INSL6: variants seen among roughly 807,000 people sequenced by gnomAD.
INSL6 encodes insulin like 6, also known as insulin-like peptide INSL6.
Under a neutral mutation model 9.4 loss-of-function variants are expected in INSL6, and 16 were observed. The ratio of observed to expected loss-of-function variants is 1.70; its 90% CI spans 1.15 to 2.59. The LOEUF (loss-of-function observed/expected upper bound fraction) is 2.59, where lower values mean the gene tolerates loss of function less well. INSL6 is among the 30% of genes most tolerant of loss of function. The pLI is 0.00. For missense variants in INSL6, 391 were observed against 257.3 expected, an observed-to-expected ratio of 1.52 and a Z score of -3.56; for synonymous variants, 154 against 96.9, an observed-to-expected ratio of 1.59 and a Z score of -3.46.
At chr9:5,076,842 T>C in the INSL6 span, among the ~76,000 whole-genome samples, 9 of 152,312 alleles carry the variant, frequency 5.9e-5, no homozygotes, top group African/African-American at 1.7e-4. Context: ...GAACCTGTTA[T>C]ATGGAGGTAT....
chr9:5,007,649 T>C, the INSL6 span, among the ~76,000 whole-genome samples: 1 of 152,040 alleles, frequency 6.6e-6, no homozygotes, highest in Admixed American at 6.6e-5. Context: ...CGTTTTTTAC[T>C]CATACTTTAA....
At chr9:5,031,470 G>A in the INSL6 span, among the ~76,000 whole-genome samples, 2 of 152,166 alleles carry the variant, frequency 1.3e-5, no homozygotes, top group Non-Finnish European at 2.9e-5. Flanking sequence ...TAACGTGGAA[G>A]GGAGAGATTA....
chr9:5,132,985 A>G (rs1824320364), intron 3 of INSL6: 2 of 152,182 alleles, frequency 1.3e-5, no homozygotes, highest in African/African-American at 2.4e-5. Flanking sequence ...AAGATCCCAG[A>G]GGAAGGGTAT....
At chr9:5,114,314 T>C in the INSL6 span, 2 of 542,534 alleles carry the variant, frequency 3.7e-6, no homozygotes, top group South Asian at 1.6e-5. Flanking sequence ...CCCAGGCCAG[T>C]GGGAAGTCTG....
At chr9:5,009,757 T>A in the INSL6 span, among the ~76,000 whole-genome samples, 3 of 152,194 alleles carry the variant, frequency 2.0e-5, no homozygotes, top group East Asian at 5.8e-4. Context: ...CTCTGTGTAT[T>A]TTTTTTCTTC....
chr9:5,165,994 T>C (rs1003576326), intron 1 of INSL6, among the ~76,000 whole-genome samples: 2 of 152,190 alleles, frequency 1.3e-5, no homozygotes, highest in South Asian at 2.1e-4. Context: ...TCTGTCACAA[T>C]GGCTAGCAAT....
chr9:5,044,109 G>T, the INSL6 span, among the ~76,000 whole-genome samples: 1 of 152,166 alleles, frequency 6.6e-6, no homozygotes, highest in Non-Finnish European at 1.5e-5. Context: ...ACTGGATTAA[G>T]CTATGTTTTT....
the INSL6 span, among the ~76,000 whole-genome samples, chr9:5,102,714 C>T: frequency 6.6e-6 from 1 of 152,168 alleles, no homozygotes; most frequent in South Asian, 2.1e-4. Context: ...ACTCTACAAG[C>T]CAGAAGAGAG....
the INSL6 span, among the ~76,000 whole-genome samples, chr9:5,012,987 A>C: frequency 6.6e-6 from 1 of 152,222 alleles, no homozygotes; most frequent in South Asian, 2.1e-4. Flanking sequence ...TTGTGGAAAA[A>C]AAAGCCAATG....
chr9:5,093,871 G>A, the INSL6 span, among the ~76,000 whole-genome samples: 1 of 152,082 alleles, frequency 6.6e-6, no homozygotes, highest in African/African-American at 2.4e-5. Context: ...TCTGATTTCA[G>A]ACCAGAGTAA....
chr9:5,041,500 G>A, the INSL6 span: 9 of 579,396 alleles, frequency 1.6e-5, no homozygotes, highest in Admixed American at 2.0e-4. Flanking sequence ...CAGAAGATCG[G>A]GGACACATAG....
the INSL6 span, among the ~76,000 whole-genome samples, chr9:5,030,669 T>G: frequency 6.6e-6 from 1 of 152,096 alleles, no homozygotes; most frequent in East Asian, 1.9e-4. Flanking sequence ...TCACCTCATG[T>G]GTACTTCATT....
chr9:5,079,399 C>T, the INSL6 span, among the ~76,000 whole-genome samples: 7 of 152,076 alleles, frequency 4.6e-5, no homozygotes, highest in African/African-American at 1.2e-4. Context: ...TGAGAAATTC[C>T]GTGATTTGAG....
chr9:5,082,506 C>T, the INSL6 span, among the ~76,000 whole-genome samples: 1 of 152,244 alleles, frequency 6.6e-6, no homozygotes, highest in Non-Finnish European at 1.5e-5. Flanking sequence ...GGGTTTTATA[C>T]CGAGGCATTC....
chr9:5,109,730 ACTT>A, the INSL6 span: 1 of 152,314 alleles, frequency 6.6e-6, no homozygotes, highest in African/African-American at 2.4e-5. Flanking sequence ...GCTTTAGACT[ACTT>A]CTCCATAATA....
chr9:5,131,155 G>A (rs1824271842), intron 3 of INSL6, among the ~76,000 whole-genome samples: 1 of 152,036 alleles, frequency 6.6e-6, no homozygotes. Flanking sequence ...ACCTAACAAG[G>A]CACTCAATAA....
the INSL6 span, chr9:5,044,437 A>C: frequency 6.2e-7 from 1 of 1,613,300 alleles, no homozygotes; most frequent in South Asian, 1.1e-5. Context: ...CAGTGGCAGC[A>C]ACAGAGCCTA....
chr9:5,122,079 C>A (rs1033945339), downstream of INSL6, among the ~76,000 whole-genome samples: 1 of 152,046 alleles, frequency 6.6e-6, no homozygotes, highest in South Asian at 2.1e-4. Context: ...AATTCAGTGG[C>A]CTGAGGGCAA....
chr9:5,079,092 TACTTAA>T, the INSL6 span, among the ~76,000 whole-genome samples: 10 of 152,220 alleles, frequency 6.6e-5, no homozygotes, highest in African/African-American at 1.9e-4. Flanking sequence ...AAGCTAATAG[TACTTAA>T]ACTTAATGAC....
Sources: allele counts gnomAD v4.1 joint callset (sites outside exome capture counted in the v4.1 genomes callset), GRCh38; gene constraint gnomAD v4.1.1; transcripts MANE v1.5; gene names NCBI Gene and HGNC (gene_info 2026-07-23, HGNC 2026-07-21).